PTPRN2: variants seen among roughly 807,000 people sequenced by gnomAD.
The protein encoded by PTPRN2 is protein tyrosine phosphatase receptor type N2.
In PTPRN2, 74 loss-of-function variants were observed where a neutral mutation model predicts 118.8. The observed-to-expected ratio is 0.62, with a 90% confidence interval of 0.52 to 0.76. The LOEUF (loss-of-function observed/expected upper bound fraction) is 0.76. PTPRN2 is among the 30% of genes least tolerant of loss of function. The probability of loss-of-function intolerance (pLI) is 0.00; values close to 1 mark genes in which losing one functional copy is unlikely to be tolerated. For synonymous variants in PTPRN2, 641 were observed against 608.0 expected (o/e 1.05, Z -0.80); for missense variants, 1,481 against 1,394.4 (o/e 1.06, Z -0.99).
chr7:158,192,299 C>T (rs746720539), intron 5 of PTPRN2, 28 bp downstream of exon 5: 16 of 1,444,762 alleles, frequency 1.1e-5, no homozygotes, highest in Admixed American at 3.0e-5. Context: ...AAGCCAACCC[C>T]GGCCCGGGGA....
intron 12 of PTPRN2, among the ~76,000 whole-genome samples, chr7:157,744,905 C>G (rs889768313): frequency 2.0e-5 from 3 of 152,312 alleles, no homozygotes; most frequent in African/African-American, 7.2e-5. Flanking sequence ...CAGCCGCACC[C>G]CAGTCCCCCG....
intron 2 of PTPRN2, among the ~76,000 whole-genome samples, chr7:158,470,912 C>A (rs1402500589): frequency 6.6e-6 from 1 of 151,912 alleles, no homozygotes; most frequent in Non-Finnish European, 1.5e-5. Flanking sequence ...CAGCTCACTG[C>A]AAACTCTGCC....
At chr7:158,561,620 G>C (rs1010362278) in intron 1 of PTPRN2, among the ~76,000 whole-genome samples, 19 of 152,052 alleles carry the variant, frequency 1.2e-4, no homozygotes, top group African/African-American at 3.9e-4. Flanking sequence ...TGGCAGCTTT[G>C]GCCTCCCCAG....
intron 11 of PTPRN2, among the ~76,000 whole-genome samples, chr7:158,024,186 C>T (rs925485906): frequency 7.9e-5 from 12 of 152,302 alleles, no homozygotes; most frequent in African/African-American, 2.6e-4. Context: ...ATGCCCAGTG[C>T]ATCCCAGCAA....
At chr7:158,248,091 T>A (rs1020909104) in intron 3 of PTPRN2, among the ~76,000 whole-genome samples, 1 of 152,132 alleles carries the variant, frequency 6.6e-6, no homozygotes, top group Non-Finnish European at 1.5e-5. Context: ...TGGGAGAGAA[T>A]GAGTGATGCT....
intron 12 of PTPRN2, among the ~76,000 whole-genome samples, chr7:157,709,748 C>T (rs1798507565): frequency 6.6e-6 from 1 of 152,208 alleles, no homozygotes; most frequent in Admixed American, 6.5e-5. Flanking sequence ...TTCTGAAGTC[C>T]CAGAGCACTC....
intron 2 of PTPRN2, among the ~76,000 whole-genome samples, chr7:158,358,635 G>A: frequency 6.6e-6 from 1 of 152,240 alleles, no homozygotes; most frequent in Non-Finnish European, 1.5e-5. Flanking sequence ...CAGAAAGGAA[G>A]GAGACGCTGA....
chr7:158,348,691 C>T (rs1309784358), intron 2 of PTPRN2, among the ~76,000 whole-genome samples: 2 of 152,296 alleles, frequency 1.3e-5, no homozygotes, highest in African/African-American at 2.4e-5. Flanking sequence ...GGCCCGAATC[C>T]TAACCACCAC....
At position 158,136,714 on chromosome 7, in the gene PTPRN2, T is replaced by C; in HGVS notation, c.1133-19A>G. On this transcript the variant is annotated intron_variant, in intron 7 of 22. Coordinates refer to ENST00000389418, the MANE Select transcript of PTPRN2 (RefSeq NM_002847.5). Reference sequence around the variant, plus strand: ...CCGTCATCTGTAAAAGACACCAGTGTTACCAAGACCCTCATCAAGAATGTC... The same window carrying C: ...CCGTCATCTGTAAAAGACACCAGTGCTACCAAGACCCTCATCAAGAATGTC... 6.2e-7 allele frequency: 1 copy of C among 1,612,984 alleles called. No individual in the cohort carries two copies. The highest frequency in any genetic ancestry group is 8.5e-7 in the Non-Finnish European group (1 of 1,179,118).
rs1318741705 is a variant in PTPRN2 at position 158,003,264 on chromosome 7, A to G, written c.1723+78034T>C. Among the ~76,000 whole-genome samples the G allele has an allele frequency of 6.6e-6, 1 of 151,598 alleles. No homozygotes were observed. Among genetic ancestry groups the G allele is most frequent in the Non-Finnish European group, 1.5e-5 (1 of 67,914 alleles). On this transcript the variant is annotated intron_variant, in intron 11 of 22. Coordinates refer to ENST00000389418, the MANE Select transcript of PTPRN2 (RefSeq NM_002847.5). This position sits in a 1 kb window ranked among gnomAD's most constrained non-coding sequence, Gnocchi z 5.0. ...CCCGTTTCTACTAAAAATACAAAAA[A>G]TTAGCCGGGCGTGTTGGCGGGCGCC...
At chr7:157,931,411 G>C (rs1204209538) in intron 11 of PTPRN2, among the ~76,000 whole-genome samples, 1 of 152,208 alleles carries the variant, frequency 6.6e-6, no homozygotes, top group Non-Finnish European at 1.5e-5. Context: ...GGCCCAATCA[G>C]GCCTGAGCAG....
At chr7:158,341,584 G>A (rs1298270161) in intron 2 of PTPRN2, among the ~76,000 whole-genome samples, 1 of 73,408 alleles carries the variant, frequency 1.4e-5, no homozygotes, top group African/African-American at 4.8e-5. Context: ...CACCATAAGA[G>A]GTGACACCCG....
intron 3 of PTPRN2, among the ~76,000 whole-genome samples, chr7:158,262,588 A>AC (rs1237708264): frequency 1.5e-5 from 2 of 137,770 alleles, no homozygotes; most frequent in African/African-American, 5.9e-5. Flanking sequence ...CAGCACACAC[A>AC]TTCACACACA....
intron 6 of PTPRN2, among the ~76,000 whole-genome samples, chr7:158,165,246 A>G (rs7781963): frequency 0.62 from 89,709 of 145,618 alleles, 29,094 homozygotes; most frequent in East Asian, 0.79. Flanking sequence ...AGGAGGCAGG[A>G]CCATCAAGGA....
At chr7:157,789,574 GGTGGCTCC>G (rs1804298112) in intron 12 of PTPRN2, among the ~76,000 whole-genome samples, 1 of 152,240 alleles carries the variant, frequency 6.6e-6, no homozygotes, top group South Asian at 2.1e-4. Context: ...CCACACACCA[GGTGGCTCC>G]GTGGTCCCCT....
At chr7:158,326,866 C>T (rs867556529) in intron 2 of PTPRN2, among the ~76,000 whole-genome samples, 13 of 150,478 alleles carry the variant, frequency 8.6e-5, no homozygotes, top group East Asian at 2.0e-4. Context: ...TGCTCATTCT[C>T]GCATGCACAC....
intron 6 of PTPRN2, among the ~76,000 whole-genome samples, chr7:158,151,995 A>T (rs1310532739): frequency 6.6e-6 from 1 of 152,028 alleles, no homozygotes; most frequent in Non-Finnish European, 1.5e-5. Context: ...AACATGGTGA[A>T]ACCCCGTCTC....
chr7:157,720,321 G>A (rs938217913), intron 12 of PTPRN2, among the ~76,000 whole-genome samples: 24 of 152,338 alleles, frequency 1.6e-4, no homozygotes, highest in African/African-American at 5.3e-4. Flanking sequence ...TTTCTCGGCT[G>A]CCGCAATCGG....
chr7:158,145,509 G>A (rs1260726848), intron 6 of PTPRN2, among the ~76,000 whole-genome samples: 1 of 152,234 alleles, frequency 6.6e-6, no homozygotes, highest in Non-Finnish European at 1.5e-5. Flanking sequence ...ATCCACCCTT[G>A]AGAAACTGAG....
Sources: gnomAD v4.1 joint callset for allele counts (sites outside exome capture counted in the v4.1 genomes callset) on GRCh38, gnomAD v4.1.1 for gene constraint, Gnocchi (gnomAD v3.1) non-coding constraint, MANE v1.5 for transcripts, NCBI Gene and HGNC (gene_info 2026-07-23, HGNC 2026-07-21) for gene names.